The following GNA14 variants were observed in gnomAD, a reference collection of about 807,000 sequenced individuals.
The protein encoded by GNA14 is guanine nucleotide-binding protein subunit alpha-14.
A neutral mutation model predicts 42.0 loss-of-function variants in GNA14; 50 were observed. The ratio of observed to expected loss-of-function variants is 1.19; its 90% confidence interval spans 0.95 to 1.51. The LOEUF (loss-of-function observed/expected upper bound fraction) is 1.51. Ranked by LOEUF, GNA14 falls within the 40% of genes most tolerant of loss-of-function variation. The probability of loss-of-function intolerance (pLI) is 0.00; values close to 1 mark genes in which losing one functional copy is unlikely to be tolerated. For synonymous variants in GNA14, 173 were observed against 163.1 expected (o/e 1.06, Z -0.46); for missense variants, 473 against 446.2 (o/e 1.06, Z -0.54).
At chr9:77,452,410 C>T (rs1300613665) in intron 2 of GNA14, among the ~76,000 whole-genome samples, 6 of 152,018 alleles carry the variant, frequency 3.9e-5, no homozygotes, top group Admixed American at 2.0e-4. Context: ...AAGCATTTTC[C>T]AGAGTGGTAC....
At chr9:77,632,442 C>T (rs941965303) in intron 1 of GNA14, among the ~76,000 whole-genome samples, 1 of 152,172 alleles carries the variant, frequency 6.6e-6, no homozygotes, top group South Asian at 2.1e-4. Context: ...ATGGACCAAT[C>T]GGTGCACACT....
intron 1 of GNA14, among the ~76,000 whole-genome samples, chr9:77,549,177 G>A (rs779658441): frequency 8.6e-5 from 13 of 152,034 alleles, no homozygotes; most frequent in African/African-American, 2.2e-4. Flanking sequence ...TTATGATCCC[G>A]CCCACCTCGG....
chr9:77,531,803 A>C (rs1837532656), intron 1 of GNA14, among the ~76,000 whole-genome samples: 1 of 152,196 alleles, frequency 6.6e-6, no homozygotes, highest in South Asian at 2.1e-4. Context: ...AAACACACAA[A>C]CATTTTTTAA....
chr9:77,575,849 A>G (rs1823120085), intron 1 of GNA14, among the ~76,000 whole-genome samples: 1 of 152,198 alleles, frequency 6.6e-6, no homozygotes, highest in African/African-American at 2.4e-5. Flanking sequence ...GAAGTTCTTC[A>G]TGTGATTTTA....
intron 1 of GNA14, among the ~76,000 whole-genome samples, chr9:77,552,075 G>A (rs1837793428): frequency 6.9e-6 from 1 of 145,086 alleles, no homozygotes. Context: ...GGGAGGCAGA[G>A]GTTGCAGTGA....
At chr9:77,452,805 G>C (rs1040980498) in intron 2 of GNA14, among the ~76,000 whole-genome samples, 5 of 151,566 alleles carry the variant, frequency 3.3e-5, no homozygotes, top group Non-Finnish European at 7.4e-5. Context: ...GGTCATGAAG[G>C]TGGAGTCCTC....
At chr9:77,469,365 T>TAAAAAAAAAAAAAAAAAAAA (rs10537760) in intron 2 of GNA14, among the ~76,000 whole-genome samples, 2 of 116,934 alleles carry the variant, frequency 1.7e-5, no homozygotes, top group Non-Finnish European at 3.5e-5. Flanking sequence ...TAAACTGTGT[T>TAAAAAAAAAAAAAAAAAAAA]AAAAAAAAAA....
chr9:77,457,909 T>C (rs936215493), intron 2 of GNA14, among the ~76,000 whole-genome samples: 2 of 152,156 alleles, frequency 1.3e-5, no homozygotes, highest in South Asian at 4.1e-4. Context: ...TTTCTTGGTG[T>C]TTCACTTTTT....
At chr9:77,645,093 A>C (rs1301026337) in intron 1 of GNA14, among the ~76,000 whole-genome samples, 1 of 152,256 alleles carries the variant, frequency 6.6e-6, no homozygotes, top group African/African-American at 2.4e-5. Context: ...TTTATTAAGC[A>C]GAAACAGGAT....
chr9:77,541,471 C>T (rs1441559853), intron 1 of GNA14, among the ~76,000 whole-genome samples: 2 of 152,148 alleles, frequency 1.3e-5, no homozygotes, highest in Non-Finnish European at 2.9e-5. Context: ...AGAATCCTCT[C>T]ATTGTCATTA....
intron 2 of GNA14, among the ~76,000 whole-genome samples, chr9:77,484,278 T>G (rs1302796857): frequency 6.6e-6 from 1 of 152,200 alleles, no homozygotes; most frequent in East Asian, 1.9e-4. Flanking sequence ...CAGTTTGTCT[T>G]AAGAGGAGTT....
chr9:77,527,992 G>A lies in GNA14; in HGVS notation c.309+1077C>T, dbSNP rs149667781. On this transcript the variant is annotated intron_variant, in intron 2 of 6. Coordinates refer to ENST00000341700, the MANE Select transcript of GNA14 (RefSeq NM_004297.4). ...CAGGGTGAAATTGTAGGCAAGATGT[G>A]TTCCTTCATTTCTTCAGGACTGCAA... Among the ~76,000 whole-genome samples the A allele has an allele frequency of 7.1e-3, 1,079 of 152,288 alleles. 6 individuals carry two copies. The highest frequency in any genetic ancestry group is 0.017 in the Middle Eastern group (5 of 294).
chr9:77,598,050 C>T (rs2117907087), intron 1 of GNA14, among the ~76,000 whole-genome samples: 1 of 152,230 alleles, frequency 6.6e-6, no homozygotes, highest in South Asian at 2.1e-4. Flanking sequence ...AAAACAACAA[C>T]AGAAAAAGCA....
chr9:77,592,083 T>G (rs553260681), intron 1 of GNA14, among the ~76,000 whole-genome samples: 1 of 152,070 alleles, frequency 6.6e-6, no homozygotes, highest in South Asian at 2.1e-4. Flanking sequence ...CTCGGCTAAT[T>G]TTTTGTATTT....
At chr9:77,566,706 T>G (rs1822973972) in intron 1 of GNA14, among the ~76,000 whole-genome samples, 1 of 152,224 alleles carries the variant, frequency 6.6e-6, no homozygotes, top group Admixed American at 6.5e-5. Flanking sequence ...AATACAACTC[T>G]AAGTCCTAGA....
chr9:77,441,726 T>C (rs902759875), intron 2 of GNA14, among the ~76,000 whole-genome samples: 13 of 152,142 alleles, frequency 8.5e-5, no homozygotes, highest in Admixed American at 7.9e-4. Flanking sequence ...TATTATTAAA[T>C]ATGAGAACTC....
intron 1 of GNA14, among the ~76,000 whole-genome samples, chr9:77,627,049 A>T (rs1054964722): frequency 1.3e-5 from 2 of 152,226 alleles, no homozygotes; most frequent in African/African-American, 4.8e-5. Flanking sequence ...GATAAAGAGG[A>T]TATCACTACT....
chr9:77,424,854 CTACACTACACAGCCAG>C (rs1267924068), intron 6 of GNA14, among the ~76,000 whole-genome samples: 1 of 152,100 alleles, frequency 6.6e-6, no homozygotes, highest in Non-Finnish European at 1.5e-5. Context: ...CTCGAGGGTG[CTACACTACACAGCCAG>C]TATGGTTAGT....
At chr9:77,604,950 T>G (rs1823626349) in intron 1 of GNA14, among the ~76,000 whole-genome samples, 1 of 152,218 alleles carries the variant, frequency 6.6e-6, no homozygotes, top group Non-Finnish European at 1.5e-5. Context: ...TCGTGCCATG[T>G]CACAGAAATT....
Sources: allele counts gnomAD v4.1 joint callset (sites outside exome capture counted in the v4.1 genomes callset), GRCh38; gene constraint gnomAD v4.1.1; transcripts MANE v1.5; gene names NCBI Gene and HGNC (gene_info 2026-07-23, HGNC 2026-07-21).